Variants in CSMD1 observed in about 807,000 individuals in gnomAD.
CSMD1 encodes CUB and Sushi multiple domains 1.
Under a neutral mutation model 417.5 loss-of-function variants are expected in CSMD1, and 213 were observed. That is an observed-to-expected ratio of 0.51 (90% CI 0.46 to 0.57). CSMD1 has a LOEUF of 0.57. Ranked by LOEUF, CSMD1 falls within the 20% of genes least tolerant of loss-of-function variation. The pLI is 0.00. For missense variants in CSMD1, 6,923 were observed against 4,529.7 expected (o/e 1.53, Z -15.17); for synonymous variants, 2,862 against 1,736.8 (o/e 1.65, Z -16.11).
chr8:4,477,253 C>T (rs1272162094), intron 2 of CSMD1, among the ~76,000 whole-genome samples: 1 of 152,200 alleles, frequency 6.6e-6, no homozygotes, highest in East Asian at 1.9e-4. Context: ...GCTAGAGCCA[C>T]TGCAGCTCCC....
At chr8:3,352,022 G>A (rs1039676622) in intron 21 of CSMD1, among the ~76,000 whole-genome samples, 2 of 151,814 alleles carry the variant, frequency 1.3e-5, no homozygotes, top group African/African-American at 4.8e-5. Context: ...TTATGTGGAA[G>A]TCAATAAGAA....
At chr8:4,991,964 C>T (rs1215032088) in intron 1 of CSMD1, among the ~76,000 whole-genome samples, 1 of 152,166 alleles carries the variant, frequency 6.6e-6, no homozygotes, top group Non-Finnish European at 1.5e-5. Context: ...GAGCTACGTC[C>T]GAGCGTCCTG....
chr8:3,400,723 T>C (rs1214091338), intron 15 of CSMD1, among the ~76,000 whole-genome samples: 1 of 151,824 alleles, frequency 6.6e-6, no homozygotes, highest in Non-Finnish European at 1.5e-5. Flanking sequence ...AAAATTTTAT[T>C]CAGTGAACAC....
rs1239832729 is a variant in CSMD1, at chr8:3,091,529, C to A, written c.7272G>T (p.Lys2424Asn). Reference sequence around the variant, plus strand: ...TCATTTACTTACCTGCATAGCGAATCTTGAATCCTTTCTTACTGGTGGCAT... The same window carrying A: ...TCATTTACTTACCTGCATAGCGAATATTGAATCCTTTCTTACTGGTGGCAT... ...TDHATSKKGF[K>N]IRYAAPYCSL... Residue 2424 changes from lysine to asparagine, a missense_variant, in exon 48 of 70, where the codon AAG (lysine) becomes AAT (asparagine). Coordinates refer to ENST00000635120, the MANE Select transcript of CSMD1 (RefSeq NM_033225.6). The A allele has an allele frequency of 1.2e-6, 2 of 1,603,480 alleles. No homozygotes were observed. Among genetic ancestry groups the A allele is most frequent in the Admixed American group, 1.8e-5 (1 of 56,630 alleles).
intron 5 of CSMD1, among the ~76,000 whole-genome samples, chr8:3,883,644 A>G (rs183483648): frequency 2.6e-5 from 4 of 152,158 alleles, no homozygotes; most frequent in East Asian, 3.9e-4. Context: ...ATTGATATCA[A>G]TTACTGATAT....
chr8:4,301,839 C>T lies in CSMD1; in HGVS notation c.415+118114G>A, dbSNP rs551838544. On this transcript the variant is annotated intron_variant, in intron 3 of 69. Coordinates refer to ENST00000635120, the MANE Select transcript of CSMD1 (RefSeq NM_033225.6). ...TCCCCATAAACTTTTCAGAAAGCAT[C>T]GGTGATTTCACCATTCTTCTGCCCA... Among the ~76,000 whole-genome samples, 12 of 152,022 alleles carry T rather than the reference C, an allele frequency of 7.9e-5. No individual in the cohort carries two copies. In the East Asian group the frequency reaches 1.2e-3, roughly 15 times the overall value.
chr8:4,604,050 A>T (rs1178997495), intron 2 of CSMD1, among the ~76,000 whole-genome samples: 1 of 152,098 alleles, frequency 6.6e-6, no homozygotes, highest in Non-Finnish European at 1.5e-5. Flanking sequence ...GTTTATTGAC[A>T]GTTGTTAACT....
intron 5 of CSMD1, among the ~76,000 whole-genome samples, chr8:3,826,616 C>G (rs77534127): frequency 0.029 from 4,481 of 152,196 alleles, 100 homozygotes; most frequent in African/African-American, 0.061. Context: ...CAGTCCCGTT[C>G]TGCTGAGTAT....
At chr8:4,851,705 A>G (rs1430571856) in intron 1 of CSMD1, among the ~76,000 whole-genome samples, 1 of 152,140 alleles carries the variant, frequency 6.6e-6, no homozygotes, top group Non-Finnish European at 1.5e-5. Flanking sequence ...GGCATCGGCA[A>G]TCACCCATAT....
At chr8:3,965,808 G>A (rs548361648) in intron 5 of CSMD1, among the ~76,000 whole-genome samples, 3 of 152,042 alleles carry the variant, frequency 2.0e-5, no homozygotes, top group South Asian at 2.1e-4. Context: ...TAGTAGAGAT[G>A]GGGTTTCACC....
intron 2 of CSMD1, among the ~76,000 whole-genome samples, chr8:4,473,429 G>C (rs1800640792): frequency 6.6e-6 from 1 of 152,134 alleles, no homozygotes; most frequent in Admixed American, 6.6e-5. Flanking sequence ...CAGCTTACCT[G>C]AGTATTATTT....
At chr8:3,686,617 A>T (rs762930603) in intron 7 of CSMD1, among the ~76,000 whole-genome samples, 1 of 152,212 alleles carries the variant, frequency 6.6e-6, no homozygotes, top group Admixed American at 6.5e-5. Flanking sequence ...AGCACAGAAA[A>T]CTGAAGCCCA....
intron 2 of CSMD1, among the ~76,000 whole-genome samples, chr8:4,439,471 CTACT>C (rs1451121783): frequency 6.7e-6 from 1 of 150,304 alleles, no homozygotes; most frequent in Non-Finnish European, 1.5e-5. Context: ...TTATGTTTTC[CTACT>C]TTCTTCCGTT....
chr8:3,992,820 C>T (rs1435502522), intron 5 of CSMD1, among the ~76,000 whole-genome samples: 1 of 152,252 alleles, frequency 6.6e-6, no homozygotes, highest in Non-Finnish European at 1.5e-5. Context: ...AAAAACAATT[C>T]GCCCATTTTA....
chr8:4,797,596 TG>T (rs1271456919), intron 1 of CSMD1, among the ~76,000 whole-genome samples: 3 of 152,026 alleles, frequency 2.0e-5, no homozygotes, highest in African/African-American at 7.2e-5. Context: ...TTCCAGGGTA[TG>T]GGGGGAGAGA....
intron 11 of CSMD1, among the ~76,000 whole-genome samples, chr8:3,477,091 G>A (rs988051096): frequency 3.3e-5 from 5 of 152,200 alleles, no homozygotes; most frequent in Admixed American, 1.3e-4. Flanking sequence ...TGTACACACA[G>A]AAAGTTCTAC....
chr8:4,562,211 G>A (rs1798373401), intron 2 of CSMD1, among the ~76,000 whole-genome samples: 1 of 152,070 alleles, frequency 6.6e-6, no homozygotes, highest in African/African-American at 2.4e-5. Context: ...CTTGAGCCAA[G>A]TCCTGGAAGA....
intron 3 of CSMD1, among the ~76,000 whole-genome samples, chr8:4,209,968 T>A: frequency 6.6e-6 from 1 of 152,188 alleles, no homozygotes; most frequent in East Asian, 1.9e-4. Flanking sequence ...CATGGCACAC[T>A]GGAGGAGGTG....
chr8:3,825,652 A>G (rs564107011), intron 5 of CSMD1, among the ~76,000 whole-genome samples: 1 of 152,252 alleles, frequency 6.6e-6, no homozygotes, highest in East Asian at 1.9e-4. Context: ...GCCAAATGCG[A>G]CTGAGGCCAA....
Sources: gnomAD v4.1 joint callset for allele counts (sites outside exome capture counted in the v4.1 genomes callset) on GRCh38, gnomAD v4.1.1 for gene constraint, MANE v1.5 for transcripts, NCBI Gene and HGNC (gene_info 2026-07-23, HGNC 2026-07-21) for gene names.